The following SCML4 variants were observed in gnomAD, a reference collection of about 807,000 sequenced individuals.
The protein encoded by SCML4 is Scm polycomb group protein like 4.
A neutral mutation model predicts 41.1 loss-of-function variants in SCML4; 34 were observed. The ratio of observed to expected loss-of-function variants is 0.83; its 90% CI spans 0.63 to 1.10. The LOEUF (loss-of-function observed/expected upper bound fraction) is 1.10. Ranked by LOEUF, SCML4 falls within the 50% of genes least tolerant of loss-of-function variation. The pLI, the probability that SCML4 is intolerant of heterozygous loss-of-function variation, is 0.00. For missense variants in SCML4, 522 were observed against 534.1 expected, an observed-to-expected ratio of 0.98 and a Z score of 0.22; for synonymous variants, 214 against 220.9, an observed-to-expected ratio of 0.97 and a Z score of 0.28.
chr6:107,784,138 A>C (rs986886633), intron 1 of SCML4, among the ~76,000 whole-genome samples: 1 of 152,226 alleles, frequency 6.6e-6, no homozygotes, highest in Admixed American at 6.5e-5. Flanking sequence ...CATGAAAAGG[A>C]CAGCATCTGC....
At chr6:107,737,329 G>A (rs1445745571) in intron 5 of SCML4, among the ~76,000 whole-genome samples, 1 of 152,098 alleles carries the variant, frequency 6.6e-6, no homozygotes, top group Non-Finnish European at 1.5e-5. Flanking sequence ...CTGGCCATGG[G>A]GAGAAATTTG....
At chr6:107,717,103 T>C (rs1361705446) in intron 6 of SCML4, among the ~76,000 whole-genome samples, 1 of 130,124 alleles carries the variant, frequency 7.7e-6, no homozygotes, top group Non-Finnish European at 1.5e-5. Flanking sequence ...ATCGAGACCA[T>C]CCTGGCTAAC....
At chr6:107,713,781 G>C (rs923838111) in intron 6 of SCML4, among the ~76,000 whole-genome samples, 1 of 152,114 alleles carries the variant, frequency 6.6e-6, no homozygotes. Context: ...GCTGGCAAGG[G>C]GAAGGGGAGG....
intron 5 of SCML4, among the ~76,000 whole-genome samples, chr6:107,736,958 T>C (rs1184378081): frequency 1.3e-5 from 2 of 152,370 alleles, no homozygotes; most frequent in African/African-American, 2.4e-5. Context: ...GTCCCCATTA[T>C]GCTAAACCTT....
At chr6:107,819,572 A>G (rs1247048012) in intron 1 of SCML4, among the ~76,000 whole-genome samples, 1 of 151,994 alleles carries the variant, frequency 6.6e-6, no homozygotes, top group African/African-American at 2.4e-5. Flanking sequence ...CCAATTTCTC[A>G]AAAGGCTAAG....
intron 1 of SCML4, among the ~76,000 whole-genome samples, chr6:107,800,709 A>G (rs984871412): frequency 2.0e-5 from 3 of 152,196 alleles, no homozygotes; most frequent in African/African-American, 7.2e-5. Flanking sequence ...CTGGGGCCCA[A>G]TTCTACAGAC....
At chr6:107,808,478 C>T (rs1783913582) in intron 1 of SCML4, among the ~76,000 whole-genome samples, 2 of 152,058 alleles carry the variant, frequency 1.3e-5, no homozygotes, top group Non-Finnish European at 2.9e-5. Flanking sequence ...CACCATATTG[C>T]CCAGGCTGGT....
At chr6:107,774,010 T>C (rs964863108) in intron 1 of SCML4, among the ~76,000 whole-genome samples, 1 of 152,232 alleles carries the variant, frequency 6.6e-6, no homozygotes, top group African/African-American at 2.4e-5. Flanking sequence ...GGTCACTTTG[T>C]TAATTTTCTG....
At chr6:107,820,397 CG>C (rs1442591246) in intron 1 of SCML4, among the ~76,000 whole-genome samples, 1 of 152,082 alleles carries the variant, frequency 6.6e-6, no homozygotes. Context: ...TTTGTGTGTG[CG>C]TGTGCGTATG....
At chr6:107,816,033 A>G (rs1784530911) in intron 1 of SCML4, among the ~76,000 whole-genome samples, 1 of 152,234 alleles carries the variant, frequency 6.6e-6, no homozygotes, top group Non-Finnish European at 1.5e-5. Flanking sequence ...CTTTCTCTTC[A>G]GCCCTCACAG....
intron 1 of SCML4, among the ~76,000 whole-genome samples, chr6:107,774,537 G>C (rs1780765292): frequency 6.6e-6 from 1 of 152,210 alleles, no homozygotes; most frequent in Admixed American, 6.5e-5. Flanking sequence ...CTATGTGAAA[G>C]TTGGTCCGAG....
At chr6:107,778,416 AGTCT>A (rs1300453074) in intron 1 of SCML4, among the ~76,000 whole-genome samples, 2 of 151,338 alleles carry the variant, frequency 1.3e-5, no homozygotes, top group Non-Finnish European at 2.9e-5. Context: ...TCATTAAAAG[AGTCT>A]GTCCCTAAAA....
chr6:107,803,700 T>C (rs999881421), intron 1 of SCML4, among the ~76,000 whole-genome samples: 13 of 148,860 alleles, frequency 8.7e-5, no homozygotes, highest in African/African-American at 1.5e-4. Context: ...TTTTGTTCTG[T>C]ACTAAGAAAA....
Position 107,795,423 on chromosome 6 carries a change from C to T in SCML4, c.-59-23037G>A, listed in dbSNP as rs941777869. On this transcript the variant is annotated intron_variant, in intron 1 of 7. Transcript: ENST00000369020. Reference sequence around the variant, plus strand: ...AGTATAATTTACCTACAGTCAATTTCATAGGTCTTAAAAGTACAGTTTGAG... The same window carrying T: ...AGTATAATTTACCTACAGTCAATTTTATAGGTCTTAAAAGTACAGTTTGAG... 3.3e-5 allele frequency among the ~76,000 whole-genome samples: 5 copies of T among 152,278 alleles called. No individual in the cohort carries two copies. The South Asian group carries it at 1.0e-3, about 32-fold the overall frequency.
intron 6 of SCML4, among the ~76,000 whole-genome samples, chr6:107,715,719 G>T (rs1430454608): frequency 1.3e-5 from 2 of 152,146 alleles, no homozygotes; most frequent in South Asian, 2.1e-4. Context: ...TATCACAACT[G>T]CAGGAAGCTA....
chr6:107,768,112 A>C (rs1290129764), intron 2 of SCML4, among the ~76,000 whole-genome samples: 1 of 151,924 alleles, frequency 6.6e-6, no homozygotes, highest in African/African-American at 2.4e-5. Context: ...AAAAAAAAAA[A>C]AAAGTAAAAA....
chr6:107,825,481 A>G (rs758452485), upstream of SCML4, among the ~76,000 whole-genome samples: 1 of 152,260 alleles, frequency 6.6e-6, no homozygotes, highest in Non-Finnish European at 1.5e-5. Flanking sequence ...AATTGTTTTA[A>G]GTCAAAGCCT....
chr6:107,733,195 T>C (rs1391136397), intron 5 of SCML4, among the ~76,000 whole-genome samples: 2 of 152,246 alleles, frequency 1.3e-5, no homozygotes, highest in Admixed American at 6.5e-5. Flanking sequence ...AGACCCTAAA[T>C]GTTATTTTAA....
chr6:107,759,360 CATACATAA>C lies in SCML4; in HGVS notation c.157-9555_157-9548del, dbSNP rs944695794. On this transcript the variant is annotated intron_variant, in intron 2 of 7. Coordinates refer to ENST00000369020, the MANE Select transcript of SCML4 (RefSeq NM_198081.5). Reference sequence around the variant, plus strand: ...ACATACATACATACATACATACATACATACATAAGGCTGCTGTTAGGCAGAATGGATGG... The same window carrying C: ...ACATACATACATACATACATACATACGGCTGCTGTTAGGCAGAATGGATGG... Among the ~76,000 whole-genome samples the C allele has an allele frequency of 1.1e-4, 17 of 151,870 alleles. No homozygotes were observed. The South Asian group carries it at 1.5e-3, about 13-fold the overall frequency.
Sources: allele counts gnomAD v4.1 joint callset (sites outside exome capture counted in the v4.1 genomes callset), GRCh38; gene constraint gnomAD v4.1.1; transcripts MANE v1.5; gene names NCBI Gene and HGNC (gene_info 2026-07-23, HGNC 2026-07-21).